The following YJU2 variants were observed in gnomAD, a reference collection of about 807,000 sequenced individuals.
The protein encoded by YJU2 is YJU2 splicing factor homolog.
YJU2 carries 28 observed loss-of-function variants against 39.6 expected under a neutral mutation model. The ratio of observed to expected loss-of-function variants is 0.71; its 90% confidence interval spans 0.52 to 0.97. The LOEUF is 0.97. YJU2 is among the 50% of genes least tolerant of loss of function. The probability of loss-of-function intolerance (pLI) is 0.00; values close to 1 mark genes in which losing one functional copy is unlikely to be tolerated. For synonymous variants in YJU2, 184 were observed against 182.4 expected (o/e 1.01, Z -0.07); for missense variants, 328 against 430.4 (o/e 0.76, Z 2.11).
intron 5 of YJU2, 71 bp from the exon 6 acceptor site, chr19:4,261,923 C>T (rs759356026): frequency 1.9e-6 from 3 of 1,553,184 alleles, no homozygotes; most frequent in Non-Finnish European, 2.6e-6. Context: ...CCCCTCGCCA[C>T]CCCAGCAGGT....
Position 4,268,737 on chromosome 19 carries a change from CA to C in YJU2, c.*42del. ...CCTCACGGGGTCAAAGTCACACGTC[CA>C]GCTTCAGCCACATTGAGGCCAGCAT... is the stretch of plus-strand genomic sequence containing the variant. On this transcript the variant is annotated 3_prime_UTR_variant, in exon 8 of 8. Transcript: ENST00000262962. 7.1e-7 allele frequency: 1 copy of C among 1,406,858 alleles called. No individual in the cohort carries two copies. The highest frequency in any genetic ancestry group is 9.9e-7 in the Non-Finnish European group (1 of 1,005,570). The allele number at this position is 1,406,858 out of a possible 1,614,324, so 87.1% of individuals were successfully genotyped here.
chr19:4,259,155 C>T (rs1342268757), intron 5 of YJU2, among the ~76,000 whole-genome samples: 1 of 119,434 alleles, frequency 8.4e-6, no homozygotes, highest in South Asian at 2.8e-4. Context: ...CCATCTCGCT[C>T]ACTGCAAGCT....
intron 5 of YJU2, among the ~76,000 whole-genome samples, chr19:4,260,060 A>G (rs193209328): frequency 6.6e-6 from 1 of 152,182 alleles, no homozygotes; most frequent in East Asian, 1.9e-4. Flanking sequence ...CTCCATCCAG[A>G]CAGGCTGGTT....
At chr19:4,267,803 C>T (rs991216341) in intron 7 of YJU2, 29 bp downstream of exon 7, 8 of 1,592,564 alleles carry the variant, frequency 5.0e-6, no homozygotes, top group East Asian at 4.5e-5. Flanking sequence ...CAGAGCCGGG[C>T]GCGGTTTCTA....
chr19:4,267,979 G>A (rs1971130756), intron 7 of YJU2, among the ~76,000 whole-genome samples: 1 of 150,010 alleles, frequency 6.7e-6, no homozygotes, highest in Non-Finnish European at 1.5e-5. Flanking sequence ...TTGAGACAGA[G>A]TCTTGCTCTG....
At chr19:4,254,572 C>G in intron 4 of YJU2, 83 bp downstream of exon 4, 1 of 1,443,106 alleles carries the variant, frequency 6.9e-7, no homozygotes, top group Non-Finnish European at 9.1e-7. Flanking sequence ...CTTCCTGCCT[C>G]AGGTCCCCAA....
chr19:4,253,774 G>T (rs1170063235), intron 3 of YJU2, among the ~76,000 whole-genome samples: 1 of 151,862 alleles, frequency 6.6e-6, no homozygotes, highest in African/African-American at 2.4e-5. Flanking sequence ...TCAAAGAAAA[G>T]GTGTTAATAA....
In YJU2 at chr19:4,247,643, GT is replaced by G. The variant is rs1568359651; in HGVS notation, c.24+474del. ...TGTGTGTGTGTGTGTGTGTGTGTGT[GT>G]GTGTGTGTGTGTGTGTGTGTGTGTG... On this transcript the variant is annotated intron_variant, in intron 1 of 7. Coordinates refer to ENST00000262962, the MANE Select transcript of YJU2 (RefSeq NM_018074.6). Among the ~76,000 whole-genome samples the G allele has an allele frequency of 2.0e-3, 133 of 65,560 alleles. 10 individuals are homozygous for G. Among genetic ancestry groups the G allele is most frequent in the East Asian group, 6.6e-3 (13 of 1,968 alleles). The allele number at this position is 65,560 out of a possible 152,430, so 43.0% of individuals were successfully genotyped here.
intron 6 of YJU2, among the ~76,000 whole-genome samples, chr19:4,265,474 C>G (rs910210391): frequency 6.6e-6 from 1 of 150,396 alleles, no homozygotes; most frequent in East Asian, 1.9e-4. Flanking sequence ...TGTATGTTGT[C>G]TAGGCTGGTC....
Sources: gnomAD v4.1 joint callset for allele counts (sites outside exome capture counted in the v4.1 genomes callset) on GRCh38, gnomAD v4.1.1 for gene constraint, MANE v1.5 for transcripts, NCBI Gene and HGNC (gene_info 2026-07-23, HGNC 2026-07-21) for gene names.